TBCD: variants seen among roughly 807,000 people sequenced by gnomAD.
The protein encoded by TBCD is tubulin-specific chaperone D.
Under a neutral mutation model 169.3 loss-of-function variants are expected in TBCD, and 105 were observed. That is an observed-to-expected ratio of 0.62 (90% CI 0.53 to 0.73). The LOEUF (loss-of-function observed/expected upper bound fraction) is 0.73, where lower values mean the gene tolerates loss of function less well. Among genes scored for constraint, TBCD ranks in the 30% least tolerant of loss-of-function variants. TBCD has a pLI of 0.00. For synonymous variants in TBCD, 700 were observed against 643.9 expected, an observed-to-expected ratio of 1.09 and a Z score of -1.32; for missense variants, 1,444 against 1,600.1, an observed-to-expected ratio of 0.90 and a Z score of 1.66.
At chr17:82,938,272 C>T (rs1025657844) in intron 36 of TBCD, 136 bp downstream of exon 36, 25 of 992,516 alleles carry the variant, frequency 2.5e-5, no homozygotes, top group South Asian at 4.5e-5. Flanking sequence ...TGGGTGACGA[C>T]GCGTCACAGG....
At chr17:82,941,347 G>C (rs1214962697) in intron 37 of TBCD, 52 bp from the exon 38 acceptor site, 1 of 1,502,154 alleles carries the variant, frequency 6.7e-7, no homozygotes, top group African/African-American at 1.4e-5. Context: ...CCGCACACCT[G>C]AGGTTCTCCG....
rs757919293 is a variant in TBCD at position 82,893,542 on chromosome 17, A to T, written c.1564-5A>T. 3 of 1,602,444 alleles carry T rather than the reference A, an allele frequency of 1.9e-6. No homozygotes were observed. The highest frequency in any genetic ancestry group is 2.6e-6 in the Non-Finnish European group (3 of 1,174,766). ...CTTTTTCCCCCATTTCCACTTTCTTATTAGGGCACTTTCCCTCATGGTATT... is the reference window on the plus strand; with the variant it reads ...CTTTTTCCCCCATTTCCACTTTCTTTTTAGGGCACTTTCCCTCATGGTATT... On this transcript the variant is annotated splice_polypyrimidine_tract_variant and splice_region_variant and intron_variant, in intron 16 of 38. Coordinates refer to ENST00000355528, the MANE Select transcript of TBCD (RefSeq NM_005993.5).
chr17:82,932,981 G>T (rs555356160), intron 34 of TBCD: 1 of 514,884 alleles, frequency 1.9e-6, no homozygotes, highest in Non-Finnish European at 3.5e-6. Flanking sequence ...GCTGAGGCGG[G>T]GGCCCTGCTG....
intron 23 of TBCD, chr17:82,918,830 C>T (rs754059167): frequency 6.6e-6 from 1 of 152,260 alleles, no homozygotes; most frequent in South Asian, 2.1e-4. Context: ...TTAAGACTTT[C>T]ATTTCCCAGT....
intron 6 of TBCD, among the ~76,000 whole-genome samples, chr17:82,776,843 A>G (rs74000074): frequency 0.016 from 2,427 of 152,242 alleles, 61 homozygotes; most frequent in African/African-American, 0.055. Flanking sequence ...AGCCCCAGGA[A>G]CACCCCACCC....
At chr17:82,780,937 G>A (rs1440398915) in intron 6 of TBCD, among the ~76,000 whole-genome samples, 1 of 151,976 alleles carries the variant, frequency 6.6e-6, no homozygotes, top group Non-Finnish European at 1.5e-5. Context: ...GAGCCACTGC[G>A]CCCGGCCAGA....
chr17:82,782,443 C>G lies in TBCD; in HGVS notation c.771+722C>G, dbSNP rs933564312. 1.3e-5 allele frequency among the ~76,000 whole-genome samples: 2 copies of G among 152,184 alleles called. No individual in the cohort carries two copies. The highest frequency in any genetic ancestry group is 2.9e-5 in the Non-Finnish European group (2 of 68,018). On this transcript the variant is annotated intron_variant, in intron 7 of 38. Transcript: ENST00000355528. The surrounding 1 kb of genome is among the most constrained non-coding windows in gnomAD (Gnocchi z 5.1). ...AGCGGGTGAGGCTTTGAGAGCACTT[C>G]TCATCCTTGTCTCACGCTGTGGAGC...
chr17:82,932,541 TA>T, intron 33 of TBCD, 116 bp from the exon 34 acceptor site: 1 of 809,006 alleles, frequency 1.2e-6, no homozygotes, highest in Non-Finnish European at 2.1e-6. Flanking sequence ...CGTTTCCACG[TA>T]AATTATAAAG....
At chr17:82,828,666 A>G (rs546502616) in intron 13 of TBCD, among the ~76,000 whole-genome samples, 13 of 150,308 alleles carry the variant, frequency 8.6e-5, no homozygotes, top group African/African-American at 2.9e-4. Flanking sequence ...ATATGTACAC[A>G]TGCACACCCA....
At chr17:82,899,041 G>C (rs2059687412) in intron 17 of TBCD, among the ~76,000 whole-genome samples, 1 of 152,274 alleles carries the variant, frequency 6.6e-6, no homozygotes, top group African/African-American at 2.4e-5. Context: ...TCGTATCCAT[G>C]GAACCAGAGG....
chr17:82,811,939 C>T (rs1191151575), intron 12 of TBCD, among the ~76,000 whole-genome samples: 3 of 152,176 alleles, frequency 2.0e-5, no homozygotes, highest in African/African-American at 4.8e-5. Context: ...ACTCCCCGCT[C>T]CTTTCCTGGG....
intron 13 of TBCD, 25 bp from the exon 14 acceptor site, chr17:82,870,199 C>T (rs779207990): frequency 4.3e-6 from 7 of 1,611,980 alleles, no homozygotes; most frequent in East Asian, 4.5e-5. Flanking sequence ...TGCTCCTCAC[C>T]GTCTTTTCTC....
chr17:82,848,293 T>C lies in TBCD; in HGVS notation c.1319-21931T>C, dbSNP rs533355533. On this transcript the variant is annotated intron_variant, in intron 13 of 38. Coordinates refer to ENST00000355528, the MANE Select transcript of TBCD (RefSeq NM_005993.5). Reference sequence around the variant, plus strand: ...TTTGGTTTCTGTTTAAACAGCGTCCTGTCGCTCCCTCCTCTCCTGTGCGGA... The same window carrying C: ...TTTGGTTTCTGTTTAAACAGCGTCCCGTCGCTCCCTCCTCTCCTGTGCGGA... Among the ~76,000 whole-genome samples the C allele has an allele frequency of 3.9e-5, 6 of 152,348 alleles. No homozygotes were observed. In the East Asian group the frequency reaches 1.2e-3, roughly 29 times the overall value.
At chr17:82,779,225 C>A (rs931689585) in intron 6 of TBCD, among the ~76,000 whole-genome samples, 14 of 150,948 alleles carry the variant, frequency 9.3e-5, no homozygotes, top group Non-Finnish European at 1.8e-4. Context: ...AGGCTGTTCT[C>A]GAACTTCTGA....
At chr17:82,754,377 A>G (rs529986182) in intron 1 of TBCD, among the ~76,000 whole-genome samples, 1 of 152,120 alleles carries the variant, frequency 6.6e-6, no homozygotes, top group Non-Finnish European at 1.5e-5. Flanking sequence ...CGTGGATCCT[A>G]GTGTAGGTGT....
chr17:82,865,729 A>AT (rs1347611347), intron 13 of TBCD, among the ~76,000 whole-genome samples: 3 of 152,208 alleles, frequency 2.0e-5, no homozygotes, highest in Non-Finnish European at 4.4e-5. Context: ...CTATATGATG[A>AT]TTTTTTGTGG....
intron 1 of TBCD, among the ~76,000 whole-genome samples, chr17:82,752,954 T>A (rs1172559550): frequency 6.6e-6 from 1 of 152,070 alleles, no homozygotes; most frequent in Non-Finnish European, 1.5e-5. Flanking sequence ...GCCGGGTCCG[T>A]GCCTCTGCAG....
At chr17:82,859,420 C>A (rs2056583069) in intron 13 of TBCD, among the ~76,000 whole-genome samples, 1 of 132,792 alleles carries the variant, frequency 7.5e-6, no homozygotes, top group African/African-American at 2.6e-5. Context: ...CCTCCCCGCA[C>A]TGGCTTTCAG....
chr17:82,937,346 G>A lies in TBCD; in HGVS notation c.3267G>A (p.Leu1089=). ...ATTCAAAAGATATCCAGAAGCTCCT[G>A]TCAGGCATCGCAGTGTGAGTTTCAA... ...IKNSKDIQKL[L]SGIAVFCEMV... is the part of the protein sequence containing the mutation. The change falls in exon 35 of 39, where the codon CTG becomes CTA. Residue 1089 remains leucine, a synonymous_variant. Coordinates refer to ENST00000355528, the MANE Select transcript of TBCD (RefSeq NM_005993.5). 1 of 1,614,026 alleles carries A rather than the reference G, an allele frequency of 6.2e-7. No individual in the cohort carries two copies. Among genetic ancestry groups the A allele is most frequent in the Non-Finnish European group, 8.5e-7 (1 of 1,179,892 alleles).
Sources: allele counts gnomAD v4.1 joint callset (sites outside exome capture counted in the v4.1 genomes callset), GRCh38; gene constraint gnomAD v4.1.1; non-coding constraint Gnocchi (gnomAD v3.1); transcripts MANE v1.5; gene names NCBI Gene and HGNC (gene_info 2026-07-23, HGNC 2026-07-21).